Variants in BZW2 observed in about 807,000 individuals in gnomAD.
BZW2 encodes the protein basic leucine zipper and W2 domains 2.
In BZW2, 23 loss-of-function variants were observed where a neutral mutation model predicts 53.2. The observed-to-expected ratio is 0.43, with a 90% confidence interval of 0.31 to 0.61. The LOEUF (loss-of-function observed/expected upper bound fraction) is 0.61, where lower values mean the gene tolerates loss of function less well. Ranked by LOEUF, BZW2 falls within the 20% of genes least tolerant of loss-of-function variation. The probability of loss-of-function intolerance (pLI) is 0.09; values close to 1 mark genes in which losing one functional copy is unlikely to be tolerated. For synonymous variants in BZW2, 227 were observed against 186.4 expected (o/e 1.22, Z -1.77); for missense variants, 409 against 503.1 (o/e 0.81, Z 1.79).
At chr7:16,657,171 A>G (rs376633579) in intron 1 of BZW2, among the ~76,000 whole-genome samples, 11 of 152,238 alleles carry the variant, frequency 7.2e-5, no homozygotes, top group African/African-American at 2.4e-4. Context: ...ACTTAAGTAT[A>G]TACAATTTTC....
intron 10 of BZW2, among the ~76,000 whole-genome samples, chr7:16,700,362 T>C (rs1335472835): frequency 6.6e-6 from 1 of 152,222 alleles, no homozygotes; most frequent in Non-Finnish European, 1.5e-5. Context: ...GATTTTTACT[T>C]TCACCTTATT....
At chr7:16,655,373 A>G (rs1449289540) in intron 1 of BZW2, among the ~76,000 whole-genome samples, 1 of 152,186 alleles carries the variant, frequency 6.6e-6, no homozygotes, top group Non-Finnish European at 1.5e-5. Flanking sequence ...TTAAGTTACT[A>G]TGTAACATTT....
At chr7:16,698,347 G>C in intron 10 of BZW2, 161 bp downstream of exon 10, 4 of 969,026 alleles carry the variant, frequency 4.1e-6, no homozygotes, top group Non-Finnish European at 6.2e-6. Flanking sequence ...ACCATGTAGA[G>C]AGAGGAGGCA....
chr7:16,657,248 A>T (rs1405469449), intron 1 of BZW2, among the ~76,000 whole-genome samples: 1 of 152,216 alleles, frequency 6.6e-6, no homozygotes, highest in East Asian at 1.9e-4. Flanking sequence ...GAAGAATAAG[A>T]GGTGCCTTGA....
intron 7 of BZW2, among the ~76,000 whole-genome samples, chr7:16,693,289 T>C (rs1188317431): frequency 6.6e-6 from 1 of 152,208 alleles, no homozygotes; most frequent in Non-Finnish European, 1.5e-5. Flanking sequence ...TGACATGGTA[T>C]GATTTAGACG....
chr7:16,681,601 C>T (rs1266872300), intron 4 of BZW2, among the ~76,000 whole-genome samples, 197 bp downstream of exon 4: 1 of 152,168 alleles, frequency 6.6e-6, no homozygotes, highest in Admixed American at 6.5e-5. Flanking sequence ...GAGGCCATGG[C>T]AGGCGGATCA....
At chr7:16,686,787 A>T (rs1399023473) in intron 6 of BZW2, 1 of 152,210 alleles carries the variant, frequency 6.6e-6, no homozygotes, top group African/African-American at 2.4e-5. Context: ...GAAAGAAAGG[A>T]GTCATAGTTT....
intron 1 of BZW2, among the ~76,000 whole-genome samples, chr7:16,655,800 C>T (rs1476214301): frequency 3.9e-5 from 6 of 152,030 alleles, no homozygotes; most frequent in Admixed American, 6.6e-5. Flanking sequence ...GATTACAGAT[C>T]GGAGCCACCA....
chr7:16,662,839 G>A (rs866324877), intron 1 of BZW2, among the ~76,000 whole-genome samples: 1 of 152,128 alleles, frequency 6.6e-6, no homozygotes, highest in Non-Finnish European at 1.5e-5. Flanking sequence ...AAACATCTTT[G>A]GCAGAGAAGT....
chr7:16,686,210 A>T lies in BZW2; in HGVS notation c.541+170A>T, dbSNP rs937544640. The T allele has an allele frequency of 9.4e-6, 10 of 1,062,558 alleles. No homozygotes were observed. The South Asian group carries it at 1.4e-4, about 15-fold the overall frequency. 65.8% of individuals were successfully genotyped at this position (1,062,558 alleles called of 1,614,324 possible). ...GCCTTTCAAATAATAAAAGGAGTGG[A>T]CTTGTTAATTGTAGGAAGTTTGAAG... On this transcript the variant is annotated intron_variant, in intron 6 of 11. Coordinates refer to ENST00000258761, the MANE Select transcript of BZW2 (RefSeq NM_014038.3).
intron 2 of BZW2, among the ~76,000 whole-genome samples, chr7:16,671,050 TA>T (rs952205803): frequency 5.3e-5 from 8 of 152,248 alleles, no homozygotes; most frequent in Non-Finnish European, 1.0e-4. Context: ...TATATGGTTT[TA>T]AAATGTAGTT....
chr7:16,681,456 T>C (rs1782943880), intron 4 of BZW2, 52 bp downstream of exon 4: 1 of 1,453,892 alleles, frequency 6.9e-7, no homozygotes, highest in African/African-American at 1.4e-5. Flanking sequence ...AGGAAAACTC[T>C]ATAGAAGCTC....
chr7:16,682,435 G>A (rs1610685), intron 4 of BZW2, among the ~76,000 whole-genome samples: 52,864 of 151,984 alleles, frequency 0.35, 12,259 homozygotes, highest in African/African-American at 0.67. Flanking sequence ...CCATCACATC[G>A]TTGTCTAAGT....
chr7:16,673,646 C>A (rs988717095), intron 2 of BZW2, among the ~76,000 whole-genome samples: 1 of 151,834 alleles, frequency 6.6e-6, no homozygotes, highest in African/African-American at 2.4e-5. Flanking sequence ...GTTAGGATTC[C>A]AAAGAGTTTT....
At chr7:16,693,156 T>G (rs911496821) in intron 7 of BZW2, among the ~76,000 whole-genome samples, 1 of 152,170 alleles carries the variant, frequency 6.6e-6, no homozygotes, top group Admixed American at 6.5e-5. Context: ...GCTGTCACTT[T>G]GGGAATAGAC....
At chr7:16,660,004 C>G (rs1393327149) in intron 1 of BZW2, among the ~76,000 whole-genome samples, 1 of 151,864 alleles carries the variant, frequency 6.6e-6, no homozygotes, top group Non-Finnish European at 1.5e-5. Context: ...TTCCCCCTCC[C>G]CCACCCCACA....
intron 11 of BZW2, among the ~76,000 whole-genome samples, chr7:16,705,329 G>A (rs1365417576): frequency 1.3e-5 from 2 of 151,554 alleles, no homozygotes; most frequent in Non-Finnish European, 2.9e-5. Context: ...CTGCACGCCA[G>A]CCTGGATGAC....
At chr7:16,670,877 G>C (rs1167699462) in intron 2 of BZW2, among the ~76,000 whole-genome samples, 8 of 152,166 alleles carry the variant, frequency 5.3e-5, no homozygotes, top group Non-Finnish European at 1.2e-4. Flanking sequence ...TATTGTCCCA[G>C]TTAATTTATG....
chr7:16,649,495 A>C (rs1334869788), intron 1 of BZW2, among the ~76,000 whole-genome samples: 1 of 152,206 alleles, frequency 6.6e-6, no homozygotes, highest in African/African-American at 2.4e-5. Flanking sequence ...GTTCTTGTGC[A>C]CATGTTACAA....
Sources: allele counts gnomAD v4.1 joint callset (sites outside exome capture counted in the v4.1 genomes callset), GRCh38; gene constraint gnomAD v4.1.1; transcripts MANE v1.5; gene names NCBI Gene and HGNC (gene_info 2026-07-23, HGNC 2026-07-21).